Variants in FARS2 observed in about 807,000 individuals in gnomAD.
The protein encoded by FARS2 is phenylalanyl-tRNA synthetase 2, mitochondrial, also known as phenylalanine--tRNA ligase, mitochondrial.
FARS2 carries 40 observed loss-of-function variants against 46.4 expected under a neutral mutation model. The ratio of observed to expected loss-of-function variants is 0.86; its 90% CI spans 0.67 to 1.12. The LOEUF is 1.12. Among genes scored for constraint, FARS2 ranks in the 50% most tolerant of loss-of-function variants. The pLI, the probability that FARS2 is intolerant of heterozygous loss-of-function variation, is 0.00. For synonymous variants in FARS2, 234 were observed against 214.9 expected (o/e 1.09, Z -0.78); for missense variants, 513 against 567.9 (o/e 0.90, Z 0.98).
At chr6:5,759,086 A>C (rs1049449973) in intron 6 of FARS2, among the ~76,000 whole-genome samples, 1 of 152,166 alleles carries the variant, frequency 6.6e-6, no homozygotes, top group African/African-American at 2.4e-5. Flanking sequence ...GAGAAAACCC[A>C]TATGTAGAGA....
chr6:5,758,225 G>C (rs1297283559), intron 6 of FARS2, among the ~76,000 whole-genome samples: 1 of 151,420 alleles, frequency 6.6e-6, no homozygotes, highest in East Asian at 1.9e-4. Flanking sequence ...AATTTTTATA[G>C]GCCCAATAAT....
chr6:5,617,674 T>C (rs1471576209), intron 6 of FARS2, among the ~76,000 whole-genome samples: 1 of 152,216 alleles, frequency 6.6e-6, no homozygotes, highest in East Asian at 1.9e-4. Context: ...TGCTACTTCA[T>C]TGTGACTGTG....
chr6:5,276,895 C>T (rs921521527), intron 1 of FARS2, among the ~76,000 whole-genome samples: 1 of 152,222 alleles, frequency 6.6e-6, no homozygotes, highest in African/African-American at 2.4e-5. Flanking sequence ...ATAAATCAGG[C>T]AGCACAGGAG....
intron 4 of FARS2, among the ~76,000 whole-genome samples, chr6:5,512,069 C>A (rs1768490691): frequency 1.3e-5 from 2 of 152,152 alleles, no homozygotes; most frequent in South Asian, 4.2e-4. Context: ...CATTTTTTGG[C>A]TTACCCGCCC....
At chr6:5,462,256 A>G (rs982014615) in intron 4 of FARS2, among the ~76,000 whole-genome samples, 1 of 152,026 alleles carries the variant, frequency 6.6e-6, no homozygotes, top group Non-Finnish European at 1.5e-5. Flanking sequence ...TATTTGTCTT[A>G]TTATTCAGTT....
At chr6:5,770,344 A>G (rs1582909543) in intron 6 of FARS2, among the ~76,000 whole-genome samples, 5 of 152,224 alleles carry the variant, frequency 3.3e-5, no homozygotes, top group South Asian at 4.2e-4. Context: ...GGAGCCCTCA[A>G]TTTGTTTCAG....
At chr6:5,265,045 T>C (rs1765461302) in intron 1 of FARS2, among the ~76,000 whole-genome samples, 1 of 150,550 alleles carries the variant, frequency 6.6e-6, no homozygotes, top group South Asian at 2.1e-4. Context: ...GTGCCTCTCC[T>C]GTCTTGGCTT....
chr6:5,734,260 A>T (rs112477674), intron 6 of FARS2, among the ~76,000 whole-genome samples: 8,275 of 152,268 alleles, frequency 0.054, 767 homozygotes, highest in African/African-American at 0.19. Context: ...GTCTGACCAG[A>T]GGAGCACAAG....
At chr6:5,595,669 A>G (rs149417658) in intron 5 of FARS2, among the ~76,000 whole-genome samples, 51 of 152,318 alleles carry the variant, frequency 3.3e-4, no homozygotes, top group African/African-American at 1.2e-3. Context: ...CAGCTTGAGG[A>G]GGTGGGAGAA....
chr6:5,622,339 C>T (rs1231977133), intron 6 of FARS2, among the ~76,000 whole-genome samples: 1 of 152,206 alleles, frequency 6.6e-6, no homozygotes, highest in Non-Finnish European at 1.5e-5. Context: ...TCATTCTTAG[C>T]TTTTATTCTC....
Position 5,418,877 on chromosome 6 carries a change from A to T in FARS2, c.773-12164A>T, listed in dbSNP as rs182681171. ...TGTGATTTTATATATTTGTCTTTTT[A>T]TTATTATTATTATTATTATTAGTTT... On this transcript the variant is annotated intron_variant, in intron 3 of 6. Coordinates refer to ENST00000274680, the MANE Select transcript of FARS2 (RefSeq NM_006567.5). Among the ~76,000 whole-genome samples, 601 of 150,306 alleles carry T rather than the reference A, an allele frequency of 4.0e-3. 1 individual carries two copies. The highest frequency in any genetic ancestry group is 0.014 in the African/African-American group (574 of 41,016).
intron 6 of FARS2, among the ~76,000 whole-genome samples, chr6:5,658,364 G>C (rs1246484402): frequency 6.6e-6 from 1 of 152,012 alleles, no homozygotes; most frequent in Non-Finnish European, 1.5e-5. Context: ...ACTTAGCAGA[G>C]ATTGGAAGCA....
chr6:5,616,073 G>T (rs1775466562), intron 6 of FARS2, among the ~76,000 whole-genome samples: 1 of 149,170 alleles, frequency 6.7e-6, no homozygotes. Flanking sequence ...TGTTTTTGCT[G>T]GAGTTTTCTG....
intron 4 of FARS2, among the ~76,000 whole-genome samples, chr6:5,447,505 T>C (rs1764248437): frequency 6.6e-6 from 1 of 152,212 alleles, no homozygotes; most frequent in South Asian, 2.1e-4. Context: ...ATCACTAGTA[T>C]AACCTCTTCC....
chr6:5,250,757 T>C, the FARS2 span, among the ~76,000 whole-genome samples: 1 of 152,160 alleles, frequency 6.6e-6, no homozygotes, highest in African/African-American at 2.4e-5. Context: ...CTTAGAAAAT[T>C]TTACAAAGCA....
At chr6:5,346,121 C>T (rs1423254149) in intron 1 of FARS2, among the ~76,000 whole-genome samples, 1 of 152,186 alleles carries the variant, frequency 6.6e-6, no homozygotes, top group Non-Finnish European at 1.5e-5. Flanking sequence ...CCTCGCAGGA[C>T]CCAACTTTCT....
intron 1 of FARS2, among the ~76,000 whole-genome samples, chr6:5,288,424 T>C (rs1312572619): frequency 6.6e-6 from 1 of 152,178 alleles, no homozygotes; most frequent in Non-Finnish European, 1.5e-5. Flanking sequence ...TCAGAACACT[T>C]GGGATCATCA....
At chr6:5,752,240 G>A (rs1037004512) in intron 6 of FARS2, among the ~76,000 whole-genome samples, 1 of 152,174 alleles carries the variant, frequency 6.6e-6, no homozygotes, top group East Asian at 1.9e-4. Flanking sequence ...TTAATTAAAA[G>A]ACTAATGGCA....
intron 6 of FARS2, among the ~76,000 whole-genome samples, chr6:5,668,702 T>C (rs1383342998): frequency 7.6e-5 from 11 of 145,320 alleles, no homozygotes; most frequent in Non-Finnish European, 1.4e-4. Flanking sequence ...TTTTTTTTTT[T>C]TTTTTTTTGA....
Sources: allele counts gnomAD v4.1 joint callset (sites outside exome capture counted in the v4.1 genomes callset), GRCh38; gene constraint gnomAD v4.1.1; transcripts MANE v1.5; gene names NCBI Gene and HGNC (gene_info 2026-07-23, HGNC 2026-07-21).